The following ATP6V0A4 variants were observed in gnomAD, a reference collection of about 807,000 sequenced individuals.
The protein encoded by ATP6V0A4 is V-type proton ATPase 116 kDa subunit a 4.
A neutral mutation model predicts 107.3 loss-of-function variants in ATP6V0A4; 86 were observed. The ratio of observed to expected loss-of-function variants is 0.80; its 90% CI spans 0.67 to 0.96. ATP6V0A4 has a LOEUF of 0.96. Ranked by LOEUF, ATP6V0A4 falls within the 40% of genes least tolerant of loss-of-function variation. The probability of loss-of-function intolerance (pLI) is 0.00; values close to 1 mark genes in which losing one functional copy is unlikely to be tolerated. For synonymous variants in ATP6V0A4, 353 were observed against 381.4 expected (o/e 0.93, Z 0.87); for missense variants, 908 against 1,045.6 (o/e 0.87, Z 1.81).
chr7:138,706,854 C>T, intron 21 of ATP6V0A4, 137 bp from the exon 22 acceptor site: 1 of 1,384,792 alleles, frequency 7.2e-7, no homozygotes, highest in Non-Finnish European at 9.7e-7. Context: ...CCACGGCAGG[C>T]ACCCAGGCTG....
At position 138,777,615 on chromosome 7, in the gene ATP6V0A4, C is replaced by CA. The variant is rs67200252; in HGVS notation, c.-17-6352dup. On this transcript the variant is annotated intron_variant, in intron 2 of 21. Transcript: ENST00000310018. ...GGGCAAAGAGAGGGAAACTCCGTCT[C>CA]AAAAAAAAAAAAAAAAATACACACA... Among the ~76,000 whole-genome samples, 100 of 112,012 alleles carry CA rather than the reference C, an allele frequency of 8.9e-4. 3 individuals carry two copies. The highest frequency in any genetic ancestry group is 2.0e-3 in the East Asian group (8 of 3,980). The allele number at this position is 112,012 out of a possible 152,430, so 73.5% of individuals were successfully genotyped here. A position where few individuals can be genotyped will look rare whatever the true frequency, so the allele number is the denominator to read the frequency against.
At chr7:138,767,842 C>T (rs1807172139) in intron 5 of ATP6V0A4, among the ~76,000 whole-genome samples, 1 of 152,190 alleles carries the variant, frequency 6.6e-6, no homozygotes, top group South Asian at 2.1e-4. Context: ...ATCCCTGTCC[C>T]CACCATCTGC....
At chr7:138,783,012 T>C (rs1287802320) in intron 2 of ATP6V0A4, among the ~76,000 whole-genome samples, 11 of 151,816 alleles carry the variant, frequency 7.2e-5, no homozygotes, top group Non-Finnish European at 1.2e-4. Flanking sequence ...GAGGCGGAGG[T>C]TGCAGTGAGC....
chr7:138,755,553 C>T (rs1806467086), intron 10 of ATP6V0A4, 136 bp downstream of exon 10: 1 of 1,200,660 alleles, frequency 8.3e-7, no homozygotes, highest in Admixed American at 2.0e-5. Flanking sequence ...TCTTCCACAG[C>T]CACAACCAGA....
chr7:138,717,418 C>T (rs1362153038), intron 19 of ATP6V0A4, among the ~76,000 whole-genome samples: 2 of 152,024 alleles, frequency 1.3e-5, no homozygotes, highest in East Asian at 3.9e-4. Context: ...TGGTGGCGTG[C>T]ACCTGTAATC....
At chr7:138,728,093 A>G (rs1213072103) in intron 18 of ATP6V0A4, among the ~76,000 whole-genome samples, 1 of 152,216 alleles carries the variant, frequency 6.6e-6, no homozygotes, top group Non-Finnish European at 1.5e-5. Context: ...ATTTGTTTTA[A>G]AAGTAAAATC....
chr7:138,760,521 T>A (rs546004244), intron 7 of ATP6V0A4, among the ~76,000 whole-genome samples: 2 of 151,376 alleles, frequency 1.3e-5, no homozygotes, highest in Admixed American at 6.6e-5. Flanking sequence ...TATTCAACAG[T>A]AGTCTCTATG....
intron 1 of ATP6V0A4, among the ~76,000 whole-genome samples, chr7:138,794,659 T>C (rs923881111): frequency 1.4e-5 from 2 of 144,338 alleles, no homozygotes; most frequent in Non-Finnish European, 3.0e-5. Flanking sequence ...CTCACCCATT[T>C]AAAAAAAAAA....
chr7:138,757,341 C>A (rs558819952), intron 8 of ATP6V0A4, among the ~76,000 whole-genome samples: 1 of 152,148 alleles, frequency 6.6e-6, no homozygotes, highest in East Asian at 1.9e-4. Flanking sequence ...CATGGTAAAA[C>A]CCCATCTCTA....
At position 138,754,726 on chromosome 7, in the gene ATP6V0A4, G is replaced by T. The variant is rs111502100; in HGVS notation, c.816+963C>A. Among the ~76,000 whole-genome samples the T allele has an allele frequency of 3.1e-3, 476 of 152,036 alleles. 1 individual carries two copies. Among genetic ancestry groups the T allele is most frequent in the Non-Finnish European group, 5.6e-3 (384 of 68,002 alleles). On this transcript the variant is annotated intron_variant, in intron 10 of 21. Transcript: ENST00000310018. ...AAACCTTTGCCTCTCAGGTTCAAACGATTCTCCTGCCTCAGCCTCCCGAGT... is the reference window on the plus strand; with the variant it reads ...AAACCTTTGCCTCTCAGGTTCAAACTATTCTCCTGCCTCAGCCTCCCGAGT...
chr7:138,752,145 G>A (rs190516575), intron 11 of ATP6V0A4, among the ~76,000 whole-genome samples: 37 of 152,226 alleles, frequency 2.4e-4, no homozygotes, highest in African/African-American at 7.5e-4. Flanking sequence ...TGAGGCAGGC[G>A]AATCACCTGA....
In ATP6V0A4 at chr7:138,791,371, A is replaced by C. The variant is rs144717633; in HGVS notation, c.-120-5111T>G. On this transcript the variant is annotated intron_variant, in intron 1 of 21. Transcript: ENST00000310018. ...AGGATGGAGTGGAAAGATCTAACCT[A>C]TGTGTAATCAGTCACAAAAAGAGAG... Among the ~76,000 whole-genome samples, 1,246 of 152,346 alleles carry C rather than the reference A, an allele frequency of 8.2e-3. 15 individuals are homozygous for C. Among genetic ancestry groups the C allele is most frequent in the African/African-American group, 0.028 (1,169 of 41,574 alleles).
intron 17 of ATP6V0A4, among the ~76,000 whole-genome samples, chr7:138,730,178 C>G (rs1259189109): frequency 6.6e-6 from 1 of 152,234 alleles, no homozygotes; most frequent in Non-Finnish European, 1.5e-5. Context: ...GCCGCCGCGC[C>G]TGGCCTCACT....
chr7:138,716,023 C>G, intron 19 of ATP6V0A4, 142 bp from the exon 20 acceptor site: 2 of 1,183,518 alleles, frequency 1.7e-6, no homozygotes, highest in East Asian at 2.8e-5. Flanking sequence ...TAGTAATAGA[C>G]TTAGAGAAAG....
At chr7:138,749,427 G>A in intron 11 of ATP6V0A4, 110 bp from the exon 12 acceptor site, 1 of 1,276,356 alleles carries the variant, frequency 7.8e-7, no homozygotes, top group Non-Finnish European at 1.1e-6. Flanking sequence ...AGCGAACTTG[G>A]GGCAATCTCT....
chr7:138,779,620 C>A (rs916676927), intron 2 of ATP6V0A4, among the ~76,000 whole-genome samples: 2 of 152,164 alleles, frequency 1.3e-5, no homozygotes, highest in South Asian at 4.1e-4. Context: ...CAAATAAAGA[C>A]AATGACAGGG....
chr7:138,751,335 C>T (rs549361468), intron 11 of ATP6V0A4, among the ~76,000 whole-genome samples: 14 of 152,304 alleles, frequency 9.2e-5, no homozygotes, highest in African/African-American at 2.6e-4. Context: ...GCATGGCGTG[C>T]GGTGTCCTTC....
At chr7:138,718,526 GGGGC>G in intron 19 of ATP6V0A4, among the ~76,000 whole-genome samples, 1 of 147,192 alleles carries the variant, frequency 6.8e-6, no homozygotes, top group African/African-American at 2.5e-5. Flanking sequence ...AGGAAGGAAT[GGGGC>G]GGGTGGTGCA....
chr7:138,756,672 C>T, intron 8 of ATP6V0A4, 132 bp from the exon 9 acceptor site: 3 of 1,238,510 alleles, frequency 2.4e-6, no homozygotes, highest in Non-Finnish European at 3.3e-6. Context: ...CTGTAACTTT[C>T]CTAGTTCATC....
Sources: gnomAD v4.1 joint callset for allele counts (sites outside exome capture counted in the v4.1 genomes callset) on GRCh38, gnomAD v4.1.1 for gene constraint, MANE v1.5 for transcripts, NCBI Gene and HGNC (gene_info 2026-07-23, HGNC 2026-07-21) for gene names.